The following SPOCK1 variants were observed in gnomAD, a reference collection of about 807,000 sequenced individuals.
SPOCK1 encodes the protein testican-1.
In SPOCK1, 23 loss-of-function variants were observed where a neutral mutation model predicts 55.3. That is an observed-to-expected ratio of 0.42 (90% CI 0.30 to 0.59). The LOEUF (loss-of-function observed/expected upper bound fraction) is 0.59, where lower values mean the gene tolerates loss of function less well. Ranked by LOEUF, SPOCK1 falls within the 20% of genes least tolerant of loss-of-function variation. The probability of loss-of-function intolerance (pLI) is 0.22; values close to 1 mark genes in which losing one functional copy is unlikely to be tolerated. For synonymous variants in SPOCK1, 226 were observed against 221.0 expected, an observed-to-expected ratio of 1.02 and a Z score of -0.20; for missense variants, 499 against 552.5, an observed-to-expected ratio of 0.90 and a Z score of 0.97.
At chr5:137,056,596 A>G (rs1000141357) in intron 6 of SPOCK1, among the ~76,000 whole-genome samples, 1 of 147,358 alleles carries the variant, frequency 6.8e-6, no homozygotes, top group African/African-American at 2.5e-5. Context: ...AAGGACTTTT[A>G]TTTTTTTTTT....
chr5:137,217,553 C>T (rs1755742272), intron 3 of SPOCK1, among the ~76,000 whole-genome samples: 1 of 152,210 alleles, frequency 6.6e-6, no homozygotes, highest in African/African-American at 2.4e-5. Context: ...ATGTAACACG[C>T]CTCTGTGCTG....
intron 2 of SPOCK1, among the ~76,000 whole-genome samples, chr5:137,477,568 AG>A (rs1486050519): frequency 1.3e-5 from 2 of 152,186 alleles, no homozygotes; most frequent in Admixed American, 6.5e-5. Flanking sequence ...AGGGAAGCAG[AG>A]GGGGCCAGCC....
At chr5:137,074,053 C>T (rs1348102194) in intron 5 of SPOCK1, among the ~76,000 whole-genome samples, 4 of 152,032 alleles carry the variant, frequency 2.6e-5, no homozygotes, top group African/African-American at 9.7e-5. Context: ...AGGTTGAACC[C>T]GACTCTATGC....
intron 2 of SPOCK1, among the ~76,000 whole-genome samples, chr5:137,454,750 C>T (rs917021369): frequency 6.6e-6 from 1 of 152,096 alleles, no homozygotes; most frequent in Non-Finnish European, 1.5e-5. Flanking sequence ...CAATGAAACC[C>T]CTTGAACAAT....
intron 2 of SPOCK1, among the ~76,000 whole-genome samples, chr5:137,392,708 A>G (rs1751752176): frequency 6.6e-6 from 1 of 152,240 alleles, no homozygotes; most frequent in African/African-American, 2.4e-5. Flanking sequence ...AGTGCCCAGC[A>G]TACAGTAAGA....
chr5:137,461,895 C>T (rs934861257), intron 2 of SPOCK1, among the ~76,000 whole-genome samples: 1 of 152,188 alleles, frequency 6.6e-6, no homozygotes, highest in Middle Eastern at 3.2e-3. Flanking sequence ...TTTCACATCC[C>T]ATTATCTCTT....
chr5:136,999,193 G>C (rs759150748), intron 6 of SPOCK1, among the ~76,000 whole-genome samples: 32 of 152,178 alleles, frequency 2.1e-4, no homozygotes, highest in Non-Finnish European at 4.3e-4. Context: ...CAATACTGTA[G>C]GACAGAGAAG....
At chr5:137,035,924 G>A (rs1751877020) in intron 6 of SPOCK1, among the ~76,000 whole-genome samples, 1 of 152,184 alleles carries the variant, frequency 6.6e-6, no homozygotes, top group African/African-American at 2.4e-5. Context: ...GCTCCATGCT[G>A]GGGATTAACC....
At chr5:137,149,233 C>T (rs930227680) in intron 3 of SPOCK1, among the ~76,000 whole-genome samples, 2 of 152,156 alleles carry the variant, frequency 1.3e-5, no homozygotes, top group African/African-American at 4.8e-5. Context: ...TGGGGAGATG[C>T]ATGAAGCCCA....
intron 2 of SPOCK1, among the ~76,000 whole-genome samples, chr5:137,429,021 T>C (rs1752691434): frequency 6.6e-6 from 1 of 152,246 alleles, no homozygotes; most frequent in African/African-American, 2.4e-5. Flanking sequence ...ACTCTCGCCC[T>C]ACCTTGAGTG....
At chr5:136,984,504 G>A (rs1005778646) in intron 9 of SPOCK1, among the ~76,000 whole-genome samples, 4 of 152,142 alleles carry the variant, frequency 2.6e-5, no homozygotes, top group Non-Finnish European at 5.9e-5. Flanking sequence ...TATGACAAAT[G>A]CCAGGACTTC....
At chr5:137,162,662 A>G (rs1194520801) in intron 3 of SPOCK1, among the ~76,000 whole-genome samples, 1 of 152,134 alleles carries the variant, frequency 6.6e-6, no homozygotes, top group Non-Finnish European at 1.5e-5. Flanking sequence ...CCCTACAACA[A>G]AGAATTATGT....
At chr5:137,040,776 G>A (rs986386592) in intron 6 of SPOCK1, among the ~76,000 whole-genome samples, 14 of 152,144 alleles carry the variant, frequency 9.2e-5, no homozygotes, top group African/African-American at 3.1e-4. Flanking sequence ...GTTTTCTTTT[G>A]GGAACCATAA....
intron 3 of SPOCK1, among the ~76,000 whole-genome samples, chr5:137,187,225 G>A (rs952047501): frequency 2.0e-5 from 3 of 152,214 alleles, no homozygotes; most frequent in East Asian, 1.9e-4. Flanking sequence ...CTCTAGGCCC[G>A]ACCTCAACCC....
chr5:137,228,051 C>A (rs1755979195), intron 3 of SPOCK1, among the ~76,000 whole-genome samples: 1 of 152,186 alleles, frequency 6.6e-6, no homozygotes, highest in Admixed American at 6.5e-5. Flanking sequence ...TTTGCATTTT[C>A]TCCTCTTCAT....
chr5:137,302,579 AAAAT>A (rs56375242), intron 2 of SPOCK1, among the ~76,000 whole-genome samples: 61,040 of 140,888 alleles, frequency 0.43, 14,119 homozygotes, highest in Admixed American at 0.54. Flanking sequence ...TCCATCTCAA[AAAAT>A]AAATAAATAA....
intron 2 of SPOCK1, among the ~76,000 whole-genome samples, chr5:137,485,068 A>C (rs1291139399): frequency 6.6e-6 from 1 of 152,180 alleles, no homozygotes; most frequent in Non-Finnish European, 1.5e-5. Context: ...GTTCAAGGTG[A>C]GTGCATTTTG....
chr5:137,049,265 C>G (rs1177388478), intron 6 of SPOCK1, among the ~76,000 whole-genome samples: 3 of 117,460 alleles, frequency 2.6e-5, no homozygotes, highest in South Asian at 7.1e-4. Context: ...CTCCACATCA[C>G]TTTCAGGTAC....
intron 3 of SPOCK1, among the ~76,000 whole-genome samples, chr5:137,219,587 AC>A (rs1418022596): frequency 6.6e-6 from 1 of 152,224 alleles, no homozygotes; most frequent in Non-Finnish European, 1.5e-5. Context: ...ATACCACCAA[AC>A]AAAACTCCAG....
Sources: allele counts gnomAD v4.1 joint callset (sites outside exome capture counted in the v4.1 genomes callset), GRCh38; gene constraint gnomAD v4.1.1; transcripts MANE v1.5; gene names NCBI Gene and HGNC (gene_info 2026-07-23, HGNC 2026-07-21).